ANTXR1: variants seen among roughly 807,000 people sequenced by gnomAD.
ANTXR1 encodes the protein anthrax toxin receptor 1.
A neutral mutation model predicts 78.1 loss-of-function variants in ANTXR1; 19 were observed. The observed-to-expected ratio is 0.24, with a 90% CI of 0.17 to 0.36. The LOEUF (loss-of-function observed/expected upper bound fraction) is 0.36, where lower values mean the gene tolerates loss of function less well. Ranked by LOEUF, ANTXR1 falls within the 10% of genes least tolerant of loss-of-function variation. The pLI is 1.00. For synonymous variants in ANTXR1, 273 were observed against 260.5 expected (o/e 1.05, Z -0.46); for missense variants, 518 against 718.6 (o/e 0.72, Z 3.19).
At chr2:69,105,258 G>T (rs1671767514) in intron 10 of ANTXR1, among the ~76,000 whole-genome samples, 1 of 152,108 alleles carries the variant, frequency 6.6e-6, no homozygotes, top group South Asian at 2.1e-4. Context: ...ATATGCACAG[G>T]CTTGTCACCT....
At position 69,112,689 on chromosome 2, in the gene ANTXR1, C is replaced by T. The variant is rs1672025778; in HGVS notation, c.802+9749C>T. On this transcript the variant is annotated intron_variant, in intron 10 of 17. Coordinates refer to ENST00000303714, the MANE Select transcript of ANTXR1 (RefSeq NM_032208.3). ...GCTGGCTGTGTGACCACAGTTAAGGCACCTCTCCTCATTCCCCGAGTGGCC... is the reference window on the plus strand; with the variant it reads ...GCTGGCTGTGTGACCACAGTTAAGGTACCTCTCCTCATTCCCCGAGTGGCC... Among the ~76,000 whole-genome samples, 3 of 152,312 alleles carry T rather than the reference C, an allele frequency of 2.0e-5. No homozygotes were observed. The South Asian group carries it at 6.2e-4, about 32-fold the overall frequency.
At chr2:69,131,880 G>C (rs1672759006) in intron 12 of ANTXR1, among the ~76,000 whole-genome samples, 1 of 152,118 alleles carries the variant, frequency 6.6e-6, no homozygotes, top group Admixed American at 6.5e-5. Flanking sequence ...AATCTGCCAG[G>C]TAAGAAACTA....
intron 10 of ANTXR1, among the ~76,000 whole-genome samples, chr2:69,115,609 A>G (rs1672116488): frequency 6.6e-6 from 1 of 152,220 alleles, no homozygotes; most frequent in African/African-American, 2.4e-5. Flanking sequence ...CCAGGCTCTT[A>G]GTGTTCTCCA....
intron 17 of ANTXR1, among the ~76,000 whole-genome samples, chr2:69,222,045 C>T (rs1675332625): frequency 6.6e-6 from 1 of 152,190 alleles, no homozygotes; most frequent in Non-Finnish European, 1.5e-5. Context: ...TGACTGGTCA[C>T]ACCAGGACAC....
At chr2:69,020,907 C>G (rs1020797312) in intron 1 of ANTXR1, among the ~76,000 whole-genome samples, 6 of 152,168 alleles carry the variant, frequency 3.9e-5, no homozygotes, top group African/African-American at 1.4e-4. Context: ...TGAAACAATG[C>G]CTATTGCAAG....
At position 69,223,874 on chromosome 2, in the gene ANTXR1, T is replaced by C. The variant is rs148306252; in HGVS notation, c.1435-21351T>C. Among the ~76,000 whole-genome samples the C allele has an allele frequency of 1.8e-3, 279 of 152,276 alleles. 1 individual carries two copies. Among genetic ancestry groups the C allele is most frequent in the African/African-American group, 6.2e-3 (259 of 41,556 alleles). ...TGATTTGCTTGATCTCGAATGTAGGTGTATACCCAATTTCAGTTAACCTTT... is the reference window on the plus strand; with the variant it reads ...TGATTTGCTTGATCTCGAATGTAGGCGTATACCCAATTTCAGTTAACCTTT... On this transcript the variant is annotated intron_variant, in intron 17 of 17. Transcript: ENST00000303714.
At chr2:69,019,574 G>T (rs1394993746) in intron 1 of ANTXR1, among the ~76,000 whole-genome samples, 1 of 150,862 alleles carries the variant, frequency 6.6e-6, no homozygotes, top group Non-Finnish European at 1.5e-5. Flanking sequence ...ACAAACCTGC[G>T]CATCCTGCAT....
chr2:69,129,868 G>T (rs187598794), intron 12 of ANTXR1, among the ~76,000 whole-genome samples: 2 of 152,272 alleles, frequency 1.3e-5, no homozygotes, highest in East Asian at 3.9e-4. Context: ...AGTCAGGAGA[G>T]CTTCATGGAG....
intron 10 of ANTXR1, among the ~76,000 whole-genome samples, chr2:69,107,311 C>T (rs1017645796): frequency 6.6e-6 from 1 of 152,174 alleles, no homozygotes; most frequent in Admixed American, 6.5e-5. Context: ...ACAATCTCTG[C>T]TCACTGTAAC....
intron 1 of ANTXR1, among the ~76,000 whole-genome samples, chr2:69,031,376 A>T (rs904480554): frequency 3.9e-5 from 6 of 152,242 alleles, no homozygotes; most frequent in African/African-American, 1.4e-4. Context: ...TATGTAGCTT[A>T]TCTTAATTGA....
chr2:69,200,484 G>T (rs962481083), intron 17 of ANTXR1, among the ~76,000 whole-genome samples: 4 of 152,234 alleles, frequency 2.6e-5, no homozygotes, highest in Non-Finnish European at 5.9e-5. Context: ...AAGCAGATAA[G>T]CCTCCTGTAG....
intron 14 of ANTXR1, among the ~76,000 whole-genome samples, chr2:69,178,570 A>G (rs7560099): frequency 0.036 from 5,091 of 139,992 alleles, 294 homozygotes; most frequent in African/African-American, 0.16. Context: ...GGGAGGGGCC[A>G]GGGGCAAGAG....
intron 17 of ANTXR1, among the ~76,000 whole-genome samples, 159 bp from the exon 18 acceptor site, chr2:69,245,066 G>A (rs748837117): frequency 9.9e-5 from 15 of 152,118 alleles, no homozygotes; most frequent in Non-Finnish European, 2.1e-4. Context: ...AAGGAAGTGG[G>A]GAGCTCACTT....
chr2:69,063,139 T>C (rs1173013993), intron 3 of ANTXR1, among the ~76,000 whole-genome samples: 1 of 152,126 alleles, frequency 6.6e-6, no homozygotes, highest in Non-Finnish European at 1.5e-5. Context: ...ATAACATGTA[T>C]TTGTGTAATT....
chr2:69,106,615 T>G (rs1671816210), intron 10 of ANTXR1, among the ~76,000 whole-genome samples: 1 of 151,956 alleles, frequency 6.6e-6, no homozygotes. Flanking sequence ...GGGATGAAAA[T>G]CCACAGGTGT....
At chr2:69,015,388 G>A (rs1446876308) in intron 1 of ANTXR1, among the ~76,000 whole-genome samples, 1 of 151,622 alleles carries the variant, frequency 6.6e-6, no homozygotes, top group Non-Finnish European at 1.5e-5. Context: ...AAAACAGGAT[G>A]GTAAAGGCCA....
At chr2:69,050,899 T>C (rs991809093) in intron 3 of ANTXR1, among the ~76,000 whole-genome samples, 2 of 152,178 alleles carry the variant, frequency 1.3e-5, no homozygotes, top group Admixed American at 1.3e-4. Context: ...GTTTTATATA[T>C]TGTTAGATTT....
chr2:69,222,535 C>G (rs1675344001), intron 17 of ANTXR1, among the ~76,000 whole-genome samples: 1 of 152,130 alleles, frequency 6.6e-6, no homozygotes, highest in South Asian at 2.1e-4. Flanking sequence ...AACAAGCAAC[C>G]CAAGAAAAAT....
chr2:69,046,688 CT>C (rs1334129247), intron 3 of ANTXR1, among the ~76,000 whole-genome samples: 1 of 152,212 alleles, frequency 6.6e-6, no homozygotes, highest in African/African-American at 2.4e-5. Context: ...CTCTGAAACT[CT>C]TTCTCAGGAG....
Sources: gnomAD v4.1 joint callset for allele counts (sites outside exome capture counted in the v4.1 genomes callset) on GRCh38, gnomAD v4.1.1 for gene constraint, MANE v1.5 for transcripts, NCBI Gene and HGNC (gene_info 2026-07-23, HGNC 2026-07-21) for gene names.